The following COL19A1 variants were observed in gnomAD, a reference collection of about 807,000 sequenced individuals.
COL19A1 encodes the protein collagen alpha-1(XIX) chain.
A neutral mutation model predicts 190.2 loss-of-function variants in COL19A1; 159 were observed. That is an observed-to-expected ratio of 0.84 (90% CI 0.73 to 0.95). COL19A1 has a LOEUF of 0.95. COL19A1 is among the 40% of genes least tolerant of loss of function. The pLI is 0.00. For synonymous variants in COL19A1, 509 were observed against 458.9 expected, an observed-to-expected ratio of 1.11 and a Z score of -1.39; for missense variants, 1,418 against 1,431.9, an observed-to-expected ratio of 0.99 and a Z score of 0.16.
intron 30 of COL19A1, among the ~76,000 whole-genome samples, chr6:70,150,364 T>A (rs936838960): frequency 2.6e-5 from 4 of 152,178 alleles, no homozygotes; most frequent in Non-Finnish European, 5.9e-5. Flanking sequence ...TTTCTAATGC[T>A]AGTGGCTAAA....
intron 14 of COL19A1, among the ~76,000 whole-genome samples, chr6:70,052,824 T>C (rs1439207980): frequency 1.3e-5 from 2 of 152,170 alleles, no homozygotes; most frequent in Non-Finnish European, 1.5e-5. Flanking sequence ...TAGATAGAGT[T>C]TGGGGGTCAG....
chr6:70,029,230 C>T (rs1006106813), intron 12 of COL19A1, among the ~76,000 whole-genome samples: 6 of 152,058 alleles, frequency 3.9e-5, no homozygotes. Flanking sequence ...AAATTTTTAA[C>T]AAATAATATT....
chr6:70,140,820 G>A (rs1204217662), intron 19 of COL19A1, 134 bp from the exon 20 acceptor site: 1 of 775,650 alleles, frequency 1.3e-6, no homozygotes, highest in African/African-American at 1.8e-5. Flanking sequence ...GACAGACTGT[G>A]TGACACTCTG....
intron 11 of COL19A1, among the ~76,000 whole-genome samples, chr6:69,992,395 GA>G (rs1050469083): frequency 6.6e-6 from 1 of 151,736 alleles, no homozygotes; most frequent in African/African-American, 2.4e-5. Flanking sequence ...ATGAATTTTA[GA>G]ATGTTTTTCT....
chr6:69,915,726 ATTACTTATCTT>A (rs373393529), intron 4 of COL19A1, among the ~76,000 whole-genome samples: 2 of 152,260 alleles, frequency 1.3e-5, no homozygotes, highest in South Asian at 2.1e-4. Context: ...GTTTGAATAA[ATTACTTATCTT>A]TTAGTTACGT....
At chr6:70,082,125 T>C (rs1782293682) in intron 15 of COL19A1, among the ~76,000 whole-genome samples, 1 of 152,194 alleles carries the variant, frequency 6.6e-6, no homozygotes, top group South Asian at 2.1e-4. Flanking sequence ...AGAAGATGCA[T>C]ATATAGGAAT....
intron 11 of COL19A1, among the ~76,000 whole-genome samples, chr6:69,996,924 G>T (rs1316115180): frequency 7.1e-6 from 1 of 141,336 alleles, no homozygotes; most frequent in Admixed American, 7.0e-5. Flanking sequence ...ACTTGTGTGT[G>T]TGTGTGTGTG....
intron 16 of COL19A1, among the ~76,000 whole-genome samples, chr6:70,115,192 C>T (rs1437785492): frequency 1.3e-5 from 2 of 152,184 alleles, no homozygotes; most frequent in African/African-American, 4.8e-5. Context: ...TTATTCTTCT[C>T]CTTTCCTGTC....
intron 35 of COL19A1, among the ~76,000 whole-genome samples, chr6:70,162,228 G>T (rs1178355229): frequency 9.2e-5 from 14 of 151,982 alleles, no homozygotes. Context: ...ATATAAAAGA[G>T]CATTCTATTT....
At chr6:70,159,452 A>G (rs1562231063) in intron 34 of COL19A1, among the ~76,000 whole-genome samples, 3 of 152,034 alleles carry the variant, frequency 2.0e-5, no homozygotes, top group South Asian at 4.1e-4. Flanking sequence ...AGCACTGCCA[A>G]TGAGATTGAT....
At chr6:69,867,545 C>A (rs1041979115) in intron 1 of COL19A1, 5 of 152,218 alleles carry the variant, frequency 3.3e-5, no homozygotes, top group African/African-American at 1.2e-4. Context: ...GCCGGGCGGC[C>A]CAGCTAGGGC....
At chr6:69,992,211 T>C (rs76531233) in intron 11 of COL19A1, among the ~76,000 whole-genome samples, 1 of 152,124 alleles carries the variant, frequency 6.6e-6, no homozygotes, top group Non-Finnish European at 1.5e-5. Flanking sequence ...TGGTTGTAGG[T>C]ATGCATCTTT....
At chr6:70,082,213 A>G (rs191711336) in intron 15 of COL19A1, among the ~76,000 whole-genome samples, 3 of 152,016 alleles carry the variant, frequency 2.0e-5, no homozygotes, top group Non-Finnish European at 4.4e-5. Flanking sequence ...ATTTGCTTTA[A>G]CTGACTACTG....
intron 13 of COL19A1, among the ~76,000 whole-genome samples, chr6:70,034,553 G>A (rs1779242408): frequency 1.3e-5 from 2 of 152,182 alleles, no homozygotes; most frequent in Non-Finnish European, 1.5e-5. Context: ...TTAACAGCAT[G>A]AGGTATTCAA....
intron 11 of COL19A1, among the ~76,000 whole-genome samples, chr6:69,995,488 A>G (rs1246969157): frequency 5.3e-5 from 8 of 152,002 alleles, no homozygotes; most frequent in African/African-American, 1.7e-4. Flanking sequence ...GGATAACTTG[A>G]TGATAGATGG....
At chr6:70,086,621 AT>A (rs993902613) in intron 15 of COL19A1, among the ~76,000 whole-genome samples, 2 of 152,292 alleles carry the variant, frequency 1.3e-5, no homozygotes, top group Non-Finnish European at 1.5e-5. Context: ...ATAATTTCAA[AT>A]TTTTTACAAA....
chr6:70,018,758 T>C (rs1778257317), intron 11 of COL19A1, among the ~76,000 whole-genome samples: 1 of 152,114 alleles, frequency 6.6e-6, no homozygotes, highest in Non-Finnish European at 1.5e-5. Flanking sequence ...TGTGGGTAAC[T>C]GCAGCTGAGT....
chr6:70,193,142 G>A (rs374100189), intron 48 of COL19A1, among the ~76,000 whole-genome samples: 12 of 151,438 alleles, frequency 7.9e-5, no homozygotes, highest in Non-Finnish European at 1.2e-4. Flanking sequence ...GAAGGTGTTC[G>A]TTTTACAAGT....
intron 16 of COL19A1, among the ~76,000 whole-genome samples, chr6:70,117,698 A>G (rs191776056): frequency 1.3e-5 from 2 of 152,296 alleles, no homozygotes; most frequent in African/African-American, 4.8e-5. Context: ...GTTCATTAGC[A>G]TATTTTAGCT....
Sources: allele counts gnomAD v4.1 joint callset (sites outside exome capture counted in the v4.1 genomes callset), GRCh38; gene constraint gnomAD v4.1.1; transcripts MANE v1.5; gene names NCBI Gene and HGNC (gene_info 2026-07-23, HGNC 2026-07-21).